The following COL28A1 variants were observed in gnomAD, a reference collection of about 807,000 sequenced individuals.
COL28A1 encodes collagen type XXVIII alpha 1 chain, also known as collagen alpha-1(XXVIII) chain.
In COL28A1, 161 loss-of-function variants were observed where a neutral mutation model predicts 150.2. The ratio of observed to expected loss-of-function variants is 1.07; its 90% CI spans 0.94 to 1.22. The LOEUF is 1.22. COL28A1 is among the 50% of genes most tolerant of loss of function. COL28A1 has a pLI of 0.00. For synonymous variants in COL28A1, 552 were observed against 469.7 expected (o/e 1.18, Z -2.26); for missense variants, 1,617 against 1,388.3 (o/e 1.16, Z -2.62).
intron 25 of COL28A1, among the ~76,000 whole-genome samples, chr7:7,430,507 ATAATT>A (rs1237141857): frequency 3.9e-5 from 6 of 152,212 alleles, no homozygotes; most frequent in South Asian, 2.1e-4. Flanking sequence ...ACATAATCGT[ATAATT>A]TAATATAACA....
chr7:7,487,013 T>C (rs1012114766), intron 13 of COL28A1, among the ~76,000 whole-genome samples: 1 of 152,196 alleles, frequency 6.6e-6, no homozygotes, highest in Non-Finnish European at 1.5e-5. Flanking sequence ...AGGGAGACTT[T>C]ACTGTATCCA....
chr7:7,419,172 A>G (rs1784264654), intron 26 of COL28A1, among the ~76,000 whole-genome samples: 1 of 152,214 alleles, frequency 6.6e-6, no homozygotes, highest in Non-Finnish European at 1.5e-5. Flanking sequence ...ATGAACAATT[A>G]AAACTAGGTT....
At chr7:7,359,996 T>G (rs1780559677) in intron 34 of COL28A1, among the ~76,000 whole-genome samples, 1 of 152,212 alleles carries the variant, frequency 6.6e-6, no homozygotes, top group Non-Finnish European at 1.5e-5. Flanking sequence ...AGATTTTCGC[T>G]TGTTTCTCTT....
At chr7:7,477,320 C>A in intron 13 of COL28A1, 140 bp from the exon 14 acceptor site, 1 of 631,432 alleles carries the variant, frequency 1.6e-6, no homozygotes, top group Non-Finnish European at 2.8e-6. Context: ...TGGATCTGTA[C>A]TAAACATGTA....
intron 15 of COL28A1, among the ~76,000 whole-genome samples, chr7:7,465,214 A>T (rs1210205835): frequency 6.6e-6 from 1 of 151,592 alleles, no homozygotes; most frequent in Non-Finnish European, 1.5e-5. Flanking sequence ...CCCACTAGGG[A>T]GTGCCAGACA....
intron 20 of COL28A1, among the ~76,000 whole-genome samples, chr7:7,441,954 T>C (rs1358373657): frequency 1.3e-5 from 2 of 152,058 alleles, no homozygotes; most frequent in African/African-American, 4.8e-5. Flanking sequence ...AGAGACAAAA[T>C]TCAACCACAA....
chr7:7,374,693 C>G (rs1781452463), intron 31 of COL28A1, among the ~76,000 whole-genome samples: 1 of 152,092 alleles, frequency 6.6e-6, no homozygotes, highest in African/African-American at 2.4e-5. Flanking sequence ...AAATCATGTG[C>G]TATTTTTATA....
At chr7:7,418,456 T>C (rs1784222823) in intron 26 of COL28A1, among the ~76,000 whole-genome samples, 1 of 152,226 alleles carries the variant, frequency 6.6e-6, no homozygotes, top group African/African-American at 2.4e-5. Context: ...ACTGAGCCCA[T>C]GTTTCTTTGG....
chr7:7,391,497 C>T (rs1294642), intron 27 of COL28A1, among the ~76,000 whole-genome samples: 108,676 of 152,064 alleles, frequency 0.71, 39,587 homozygotes, highest in Middle Eastern at 0.79. Flanking sequence ...TTAGGTCCAG[C>T]TGGTCCAGAG....
intron 27 of COL28A1, among the ~76,000 whole-genome samples, chr7:7,403,222 C>T (rs151183216): frequency 6.6e-6 from 1 of 152,200 alleles, no homozygotes; most frequent in Non-Finnish European, 1.5e-5. Flanking sequence ...CGTGAACAAG[C>T]ACCTGGCCCA....
intron 11 of COL28A1, among the ~76,000 whole-genome samples, chr7:7,493,794 G>GT (rs745976819): frequency 2.0e-4 from 31 of 151,944 alleles, no homozygotes; most frequent in Admixed American, 1.2e-3. Context: ...AATAGCCCTG[G>GT]TAAGACGGCA....
At chr7:7,354,085 T>C (rs985858964), downstream of COL28A1, among the ~76,000 whole-genome samples, 4 of 151,998 alleles carry the variant, frequency 2.6e-5, no homozygotes, top group African/African-American at 9.7e-5. Context: ...CTTGACCTCT[T>C]GGACTCAAGT....
At chr7:7,415,298 T>C (rs1784007644) in intron 27 of COL28A1, among the ~76,000 whole-genome samples, 2 of 152,200 alleles carry the variant, frequency 1.3e-5, no homozygotes, top group South Asian at 4.1e-4. Flanking sequence ...AGTCAACAAA[T>C]GAATGTAAGA....
At chr7:7,527,469 A>G (rs900534252) in intron 3 of COL28A1, among the ~76,000 whole-genome samples, 3 of 152,254 alleles carry the variant, frequency 2.0e-5, no homozygotes, top group Admixed American at 2.0e-4. Context: ...GCAATAAGAC[A>G]AAGGAAGTAG....
intron 4 of COL28A1, among the ~76,000 whole-genome samples, chr7:7,523,053 C>T (rs1319974508): frequency 6.6e-6 from 1 of 151,936 alleles, no homozygotes; most frequent in Non-Finnish European, 1.5e-5. Flanking sequence ...TTAAAATCTA[C>T]ATCCAAAATG....
chr7:7,453,110 T>C (rs370074649), intron 17 of COL28A1, among the ~76,000 whole-genome samples: 2 of 152,196 alleles, frequency 1.3e-5, no homozygotes, highest in African/African-American at 4.8e-5. Flanking sequence ...AGAGTGGTGG[T>C]GAGAATGAAA....
chr7:7,508,277 T>C (rs1583532096), intron 9 of COL28A1, among the ~76,000 whole-genome samples: 2 of 151,758 alleles, frequency 1.3e-5, no homozygotes, highest in African/African-American at 2.4e-5. Flanking sequence ...TAAAAACTCA[T>C]AGTAAACAGA....
the COL28A1 span, among the ~76,000 whole-genome samples, chr7:7,345,855 A>G: frequency 6.6e-6 from 1 of 152,052 alleles, no homozygotes; most frequent in African/African-American, 2.4e-5. Context: ...TTTATTTAGC[A>G]TATTCACCCT....
At chr7:7,529,697 C>T (rs1004554699) in intron 3 of COL28A1, among the ~76,000 whole-genome samples, 2 of 152,138 alleles carry the variant, frequency 1.3e-5, no homozygotes, top group South Asian at 2.1e-4. Flanking sequence ...CTGCCTGTCC[C>T]GCATCTTCTA....
Sources: allele counts gnomAD v4.1 joint callset (sites outside exome capture counted in the v4.1 genomes callset), GRCh38; gene constraint gnomAD v4.1.1; transcripts MANE v1.5; gene names NCBI Gene and HGNC (gene_info 2026-07-23, HGNC 2026-07-21).